HIVEP3: variants seen among roughly 807,000 people sequenced by gnomAD.
The protein encoded by HIVEP3 is transcription factor HIVEP3.
Under a neutral mutation model 152.8 loss-of-function variants are expected in HIVEP3, and 49 were observed. The ratio of observed to expected loss-of-function variants is 0.32; its 90% CI spans 0.26 to 0.41. The LOEUF is 0.41. Ranked by LOEUF, HIVEP3 falls within the 10% of genes least tolerant of loss-of-function variation. The probability of loss-of-function intolerance (pLI) is 1.00; values close to 1 mark genes in which losing one functional copy is unlikely to be tolerated. For synonymous variants in HIVEP3, 1,269 were observed against 1,289.0 expected (o/e 0.98, Z 0.33); for missense variants, 2,790 against 3,103.3 (o/e 0.90, Z 2.40).
intron 5 of HIVEP3, among the ~76,000 whole-genome samples, chr1:41,560,864 C>T (rs1644049545): frequency 6.6e-6 from 1 of 152,206 alleles, no homozygotes; most frequent in African/African-American, 2.4e-5. Flanking sequence ...CAGCTCTGGG[C>T]TCTGGAAGGA....
At position 41,580,634 on chromosome 1, in the gene HIVEP3, G is replaced by A. The variant is rs1456137691; in HGVS notation, c.4164C>T (p.Ser1388=). 6.2e-7 allele frequency: 1 copy of A among 1,614,112 alleles called. No homozygotes were observed. The part of the protein sequence containing the change: ...PGPSGLSEEQ[S]RAFPTPYLRV... The stretch of plus-strand genomic sequence containing the variant: ...TCAGGTATGGAGTTGGGAAAGCTCT[G>A]CTTTGCTCTTCACTTAACCCAGAAG... Residue 1388 remains serine (S), a synonymous_variant, in exon 4 of 9, where the codon AGC becomes AGT. Coordinates refer to ENST00000372583, the MANE Select transcript of HIVEP3 (RefSeq NM_024503.5).
intron 2 of HIVEP3, among the ~76,000 whole-genome samples, chr1:41,667,717 T>A (rs1645817216): frequency 6.6e-6 from 1 of 152,240 alleles, no homozygotes; most frequent in South Asian, 2.1e-4. Flanking sequence ...AACTCCCCTA[T>A]ACCTCAGTTT....
intron 1 of HIVEP3, among the ~76,000 whole-genome samples, chr1:41,863,206 T>C (rs1024392068): frequency 2.6e-5 from 4 of 152,208 alleles, no homozygotes; most frequent in Non-Finnish European, 5.9e-5. Context: ...CAGGGTCAGA[T>C]CTGCTTCTGC....
At chr1:41,544,733 T>TACCATCACCACCACTACCACC (rs1424365797) in intron 5 of HIVEP3, among the ~76,000 whole-genome samples, 2 of 88,790 alleles carry the variant, frequency 2.3e-5, no homozygotes, top group Non-Finnish European at 2.4e-5. Flanking sequence ...CCACCACCGC[T>TACCATCACCACCACTACCACC]ACCATCACCA....
At chr1:41,920,273 G>A (rs1298425835), upstream of HIVEP3, among the ~76,000 whole-genome samples, 2 of 152,058 alleles carry the variant, frequency 1.3e-5, no homozygotes, top group African/African-American at 2.4e-5. Context: ...GCTCTCCCGC[G>A]GCCACCACAG....
At chr1:41,766,132 C>A (rs1647995951) in intron 1 of HIVEP3, among the ~76,000 whole-genome samples, 1 of 152,248 alleles carries the variant, frequency 6.6e-6, no homozygotes, top group South Asian at 2.1e-4. Context: ...TCTCTGGCTG[C>A]AGCCCCACCA....
Position 41,901,031 on chromosome 1 carries a change from G to A in HIVEP3, c.-801+17382C>T, listed in dbSNP as rs74367990. Among the ~76,000 whole-genome samples, 386 of 152,202 alleles carry A rather than the reference G, an allele frequency of 2.5e-3. 3 individuals carry two copies. The highest frequency in any genetic ancestry group is 8.9e-3 in the African/African-American group (370 of 41,512). ...CAGTCAAGCAATGGTGGCCTGGAGA[G>A]GGAGTGGACGTCAGGATGGATAAGT... is the stretch of plus-strand genomic sequence containing the variant. On this transcript the variant is annotated intron_variant, in intron 1 of 8. Coordinates refer to ENST00000372583, the MANE Select transcript of HIVEP3 (RefSeq NM_024503.5).
intron 1 of HIVEP3, among the ~76,000 whole-genome samples, chr1:41,892,890 C>T (rs944350063): frequency 6.6e-6 from 1 of 151,918 alleles, no homozygotes; most frequent in Non-Finnish European, 1.5e-5. Context: ...GAGGTTGAGG[C>T]GAGCAGATTG....
intron 1 of HIVEP3, among the ~76,000 whole-genome samples, chr1:41,983,842 T>G (rs370788647): frequency 1.3e-5 from 2 of 152,282 alleles, no homozygotes; most frequent in East Asian, 3.9e-4. Context: ...GAAGGCTCCG[T>G]CTGCTACCCA....
At chr1:41,644,536 G>A (rs1645428113) in intron 2 of HIVEP3, among the ~76,000 whole-genome samples, 1 of 152,108 alleles carries the variant, frequency 6.6e-6, no homozygotes, top group African/African-American at 2.4e-5. Flanking sequence ...CAGAGAGAAC[G>A]ATGTGTCTTT....
chr1:41,769,852 G>T (rs370843861), intron 1 of HIVEP3, among the ~76,000 whole-genome samples: 1 of 152,168 alleles, frequency 6.6e-6, no homozygotes, highest in Non-Finnish European at 1.5e-5. Context: ...TCTTACAAAA[G>T]AATTCTAAGT....
intron 1 of HIVEP3, among the ~76,000 whole-genome samples, chr1:42,017,143 T>C (rs1645527883): frequency 6.6e-6 from 1 of 152,176 alleles, no homozygotes; most frequent in Admixed American, 6.5e-5. Flanking sequence ...ATTACCATTT[T>C]AATTTTCTTT....
intron 5 of HIVEP3, 75 bp from the exon 6 acceptor site, chr1:41,524,985 G>A (rs1043674326): frequency 5.9e-6 from 8 of 1,351,894 alleles, no homozygotes; most frequent in African/African-American, 5.7e-5. Flanking sequence ...AGACGCACGC[G>A]CTTCCTAGAT....
At chr1:41,992,061 T>G (rs1557552705) in intron 1 of HIVEP3, among the ~76,000 whole-genome samples, 2 of 148,900 alleles carry the variant, frequency 1.3e-5, no homozygotes, top group Non-Finnish European at 1.5e-5. Context: ...GGGCAAAACC[T>G]GGAAGCATTC....
intron 1 of HIVEP3, among the ~76,000 whole-genome samples, chr1:41,738,277 C>G (rs764351753): frequency 6.6e-6 from 1 of 152,160 alleles, no homozygotes; most frequent in African/African-American, 2.4e-5. Flanking sequence ...GCGCAGAAAT[C>G]GCAGGCACTG....
chr1:41,807,063 C>T (rs547588440), intron 1 of HIVEP3, among the ~76,000 whole-genome samples: 73 of 152,294 alleles, frequency 4.8e-4, no homozygotes, highest in African/African-American at 1.5e-3. Context: ...TCTCTGCCCC[C>T]GCTACTTTCC....
chr1:41,734,642 G>C (rs1646889806), intron 1 of HIVEP3, among the ~76,000 whole-genome samples: 1 of 152,232 alleles, frequency 6.6e-6, no homozygotes, highest in African/African-American at 2.4e-5. Flanking sequence ...GACCAGAGAG[G>C]AGGTGACTGC....
intron 2 of HIVEP3, among the ~76,000 whole-genome samples, chr1:41,666,079 G>C (rs1445903595): frequency 1.3e-5 from 2 of 151,978 alleles, no homozygotes; most frequent in Non-Finnish European, 2.9e-5. Flanking sequence ...GTGCTTTCCT[G>C]GACTCAGATG....
At chr1:41,974,304 C>A (rs1390902330) in intron 1 of HIVEP3, among the ~76,000 whole-genome samples, 1 of 152,116 alleles carries the variant, frequency 6.6e-6, no homozygotes, top group Non-Finnish European at 1.5e-5. Flanking sequence ...CTGCTACCAG[C>A]TCTACTCTGT....
Sources: allele counts gnomAD v4.1 joint callset (sites outside exome capture counted in the v4.1 genomes callset), GRCh38; gene constraint gnomAD v4.1.1; transcripts MANE v1.5; gene names NCBI Gene and HGNC (gene_info 2026-07-23, HGNC 2026-07-21).